The following HAUS6 variants were observed in gnomAD, a reference collection of about 807,000 sequenced individuals.
HAUS6 encodes the protein HAUS augmin-like complex subunit 6.
HAUS6 carries 80 observed loss-of-function variants against 106.8 expected under a neutral mutation model. The ratio of observed to expected loss-of-function variants is 0.75; its 90% CI spans 0.63 to 0.90. The LOEUF (loss-of-function observed/expected upper bound fraction) is 0.90. Among genes scored for constraint, HAUS6 ranks in the 40% least tolerant of loss-of-function variants. HAUS6 has a pLI of 0.00. For missense variants in HAUS6, 1,155 were observed against 1,118.1 expected (o/e 1.03, Z -0.47); for synonymous variants, 356 against 379.1 (o/e 0.94, Z 0.71).
chr9:19,093,403 T>C (rs747646900), intron 3 of HAUS6, 100 bp from the exon 4 acceptor site: 11 of 1,043,156 alleles, frequency 1.1e-5, no homozygotes, highest in East Asian at 5.0e-5. Context: ...AGTCTTGCAA[T>C]AGAAGTCCCA....
chr9:19,089,564 A>G lies in HAUS6; in HGVS notation c.437-5T>C, dbSNP rs1278309369. Reference sequence around the variant, plus strand: ...CTACAAAATGATGAGAAGAATCTACACAGAACACAAATAAGATTATAGAAA... The same window carrying G: ...CTACAAAATGATGAGAAGAATCTACGCAGAACACAAATAAGATTATAGAAA... On this transcript the variant is annotated splice_region_variant and splice_polypyrimidine_tract_variant and intron_variant, in intron 4 of 16. Coordinates refer to ENST00000380502, the MANE Select transcript of HAUS6 (RefSeq NM_017645.5). The G allele has an allele frequency of 2.5e-6, 4 of 1,604,348 alleles. No individual in the cohort carries two copies. Among genetic ancestry groups the G allele is most frequent in the Non-Finnish European group, 2.6e-6 (3 of 1,173,050 alleles).
At position 19,088,943 on chromosome 9, in the gene HAUS6, CA is replaced by C. The variant is rs544718720; in HGVS notation, c.584+468del. On this transcript the variant is annotated intron_variant, in intron 5 of 16. Transcript: ENST00000380502. ...CCCTAAAGTTTTAAAATATTTTAGG[CA>C]GAAGTTATCTGACTATAGCCAGCCA... is the stretch of plus-strand genomic sequence containing the variant. 7.9e-5 allele frequency among the ~76,000 whole-genome samples: 12 copies of C among 151,806 alleles called. No individual in the cohort carries two copies. The South Asian group carries it at 2.5e-3, about 32-fold the overall frequency.
intron 2 of HAUS6, 23 bp from the exon 3 acceptor site, chr9:19,094,418 T>A: frequency 7.1e-7 from 1 of 1,409,916 alleles, no homozygotes; most frequent in Non-Finnish European, 1.0e-6. Context: ...AATAAAAGCG[T>A]AAGGACTATG....
intron 12 of HAUS6, among the ~76,000 whole-genome samples, chr9:19,065,402 T>C (rs570431538): frequency 1.3e-3 from 191 of 152,210 alleles, no homozygotes; most frequent in African/African-American, 4.4e-3. Context: ...CTTTTTATAG[T>C]AGTAAAAAAT....
intron 7 of HAUS6, 59 bp downstream of exon 7, chr9:19,086,675 A>C: frequency 1.3e-6 from 1 of 771,996 alleles, no homozygotes; most frequent in Non-Finnish European, 2.2e-6. Flanking sequence ...TAATTAAGCA[A>C]ACACTGCGTA....
intron 11 of HAUS6, among the ~76,000 whole-genome samples, chr9:19,071,776 T>C (rs1836886163): frequency 6.6e-6 from 1 of 151,900 alleles, no homozygotes; most frequent in South Asian, 2.1e-4. Flanking sequence ...GGGTTTCACT[T>C]TATTGCCCAG....
At chr9:19,093,143 C>A in intron 4 of HAUS6, 28 bp downstream of exon 4, 1 of 1,409,836 alleles carries the variant, frequency 7.1e-7, no homozygotes, top group African/African-American at 1.5e-5. Context: ...AGAATCAAAA[C>A]AAAAAATCTT....
chr9:19,094,890 T>G (rs1040787708), intron 2 of HAUS6, among the ~76,000 whole-genome samples: 4 of 152,088 alleles, frequency 2.6e-5, no homozygotes, highest in African/African-American at 9.7e-5. Context: ...TATAAACATC[T>G]ATAGGGTTGA....
chr9:19,093,068 A>C, intron 4 of HAUS6, 103 bp downstream of exon 4: 2 of 846,118 alleles, frequency 2.4e-6, no homozygotes, highest in Non-Finnish European at 3.6e-6. Flanking sequence ...TTAATGTTTT[A>C]ACTTACCTTG....
chr9:19,093,685 A>G (rs916227137), intron 3 of HAUS6, among the ~76,000 whole-genome samples: 4 of 152,192 alleles, frequency 2.6e-5, no homozygotes, highest in African/African-American at 9.7e-5. Context: ...CCTGGCCAAC[A>G]TGGTGAAACC....
chr9:19,062,496 T>G (rs1003800568), intron 14 of HAUS6, among the ~76,000 whole-genome samples: 1 of 152,258 alleles, frequency 6.6e-6, no homozygotes, highest in Non-Finnish European at 1.5e-5. Flanking sequence ...GATGTAATAT[T>G]AGCTAAATAA....
intron 1 of HAUS6, among the ~76,000 whole-genome samples, chr9:19,101,352 A>G (rs12003940): frequency 0.34 from 50,612 of 150,806 alleles, 9,727 homozygotes; most frequent in African/African-American, 0.54. Context: ...GACCCTAGGC[A>G]TGGTGCCACG....
intron 11 of HAUS6, among the ~76,000 whole-genome samples, chr9:19,072,934 G>A (rs1836910289): frequency 6.6e-6 from 1 of 151,858 alleles, no homozygotes; most frequent in African/African-American, 2.4e-5. Context: ...ACCCTCCCTG[G>A]ATCCTTGTTT....
intron 8 of HAUS6, among the ~76,000 whole-genome samples, chr9:19,081,396 T>C (rs1239297566): frequency 6.6e-6 from 1 of 152,180 alleles, no homozygotes; most frequent in Admixed American, 6.5e-5. Context: ...TGCACATTTC[T>C]ATGTCTTAAA....
chr9:19,088,589 C>T lies in HAUS6; in HGVS notation c.584+823G>A, dbSNP rs148916649. Among the ~76,000 whole-genome samples the T allele has an allele frequency of 1.1e-4, 16 of 149,820 alleles. No individual in the cohort carries two copies. The East Asian group carries it at 1.2e-3, about 11-fold the overall frequency. On this transcript the variant is annotated intron_variant, in intron 5 of 16. Coordinates refer to ENST00000380502, the MANE Select transcript of HAUS6 (RefSeq NM_017645.5). ...CTGAACTTTTTAAACTAAAGTGGGC[C>T]GGGCACAGTGGCTCATGCCTGCAAT...
intron 14 of HAUS6, among the ~76,000 whole-genome samples, 182 bp from the exon 15 acceptor site, chr9:19,060,405 GTAAA>G (rs1836581742): frequency 6.6e-6 from 1 of 152,222 alleles, no homozygotes; most frequent in Non-Finnish European, 1.5e-5. Context: ...GTACAATCCT[GTAAA>G]GTGAAATGAA....
chr9:19,062,282 G>A (rs1836640993), intron 14 of HAUS6, among the ~76,000 whole-genome samples: 1 of 152,150 alleles, frequency 6.6e-6, no homozygotes, highest in Non-Finnish European at 1.5e-5. Flanking sequence ...ATAATGATAT[G>A]ATATTGCAGT....
At chr9:19,068,573 T>A (rs903725833) in intron 12 of HAUS6, among the ~76,000 whole-genome samples, 3 of 152,216 alleles carry the variant, frequency 2.0e-5, no homozygotes, top group African/African-American at 7.2e-5. Context: ...ATTAACTTAC[T>A]AAGATGGCAT....
intron 4 of HAUS6, among the ~76,000 whole-genome samples, chr9:19,089,980 GCACCA>G (rs1817710535): frequency 6.6e-6 from 1 of 151,714 alleles, no homozygotes; most frequent in Non-Finnish European, 1.5e-5. Context: ...CTACAAGCAC[GCACCA>G]CCATGCCCAG....
Sources: allele counts gnomAD v4.1 joint callset (sites outside exome capture counted in the v4.1 genomes callset), GRCh38; gene constraint gnomAD v4.1.1; transcripts MANE v1.5; gene names NCBI Gene and HGNC (gene_info 2026-07-23, HGNC 2026-07-21).